The following SLC20A2 variants were observed in gnomAD, a reference collection of about 807,000 sequenced individuals.
SLC20A2 encodes the protein sodium-dependent phosphate transporter 2.
A neutral mutation model predicts 61.0 loss-of-function variants in SLC20A2; 30 were observed. The ratio of observed to expected loss-of-function variants is 0.49; its 90% confidence interval spans 0.37 to 0.67. The LOEUF (loss-of-function observed/expected upper bound fraction) is 0.67, where lower values mean the gene tolerates loss of function less well. Among genes scored for constraint, SLC20A2 ranks in the 30% least tolerant of loss-of-function variants. SLC20A2 has a pLI of 0.00. For missense variants in SLC20A2, 626 were observed against 866.4 expected (o/e 0.72, Z 3.48); for synonymous variants, 351 against 353.3 (o/e 0.99, Z 0.07).
At chr8:42,431,961 T>C (rs751511939) in intron 8 of SLC20A2, among the ~76,000 whole-genome samples, 1 of 152,246 alleles carries the variant, frequency 6.6e-6, no homozygotes, top group Non-Finnish European at 1.5e-5. Context: ...CTGACGGAGA[T>C]ATGCAAGGAG....
chr8:42,483,433 T>C (rs898484458), intron 1 of SLC20A2, among the ~76,000 whole-genome samples: 3 of 152,210 alleles, frequency 2.0e-5, no homozygotes, highest in Admixed American at 6.5e-5. Flanking sequence ...ATGGAATAGG[T>C]TGCAGCCCAC....
intron 1 of SLC20A2, among the ~76,000 whole-genome samples, chr8:42,526,199 T>C (rs1668947536): frequency 6.6e-6 from 1 of 152,178 alleles, no homozygotes; most frequent in Non-Finnish European, 1.5e-5. Context: ...TATATACCTC[T>C]GAAATGATGT....
intron 7 of SLC20A2, among the ~76,000 whole-genome samples, chr8:42,438,869 A>G (rs1304004420): frequency 6.6e-6 from 1 of 152,066 alleles, no homozygotes; most frequent in East Asian, 1.9e-4. Context: ...GGCACCCACC[A>G]CCATACCCAG....
At chr8:42,481,682 G>C (rs1201541022) in intron 1 of SLC20A2, among the ~76,000 whole-genome samples, 2 of 152,194 alleles carry the variant, frequency 1.3e-5, no homozygotes, top group Non-Finnish European at 2.9e-5. Context: ...GGAGCTGTGA[G>C]CCACAGGATT....
chr8:42,432,460 T>C lies in SLC20A2; in HGVS notation c.1524-2211A>G, dbSNP rs373875124. 6.6e-5 allele frequency among the ~76,000 whole-genome samples: 10 copies of C among 152,350 alleles called. No individual in the cohort carries two copies. In the South Asian group the frequency reaches 1.5e-3, roughly 22 times the overall value. ...CCTGGTGAAGATGTTGTGAACATTG[T>C]TGAGATGACAACAAAGGATTTAGAA... On this transcript the variant is annotated intron_variant, in intron 8 of 10. Transcript: ENST00000520262.
intron 6 of SLC20A2, among the ~76,000 whole-genome samples, chr8:42,444,195 T>C (rs1367646395): frequency 2.6e-5 from 4 of 152,210 alleles, no homozygotes; most frequent in Non-Finnish European, 5.9e-5. Flanking sequence ...ATAAAGAAAC[T>C]GCAAACCTAA....
Position 42,494,667 on chromosome 8 carries a change from C to T in SLC20A2, c.-265+6364G>A, listed in dbSNP as rs1040182987. 1.1e-4 allele frequency among the ~76,000 whole-genome samples: 16 copies of T among 152,170 alleles called. 1 individual carries two copies. The highest frequency in any genetic ancestry group is 1.3e-4 in the Admixed American group (2 of 15,284). ...CGTAGTGTTCTATGCTGTGGAAATACAATAAATTATTTAATCAGTAACTTA... is the reference window on the plus strand; with the variant it reads ...CGTAGTGTTCTATGCTGTGGAAATATAATAAATTATTTAATCAGTAACTTA... On this transcript the variant is annotated intron_variant, in intron 1 of 10. Coordinates refer to ENST00000520262, the MANE Select transcript of SLC20A2 (RefSeq NM_001257180.2).
chr8:42,459,866 C>T, intron 5 of SLC20A2, 30 bp downstream of exon 5: 1 of 1,434,190 alleles, frequency 7.0e-7, no homozygotes, highest in African/African-American at 1.4e-5. Context: ...TGCACTTTGC[C>T]CCTGGAGTAT....
chr8:42,518,533 T>C (rs983096694), intron 1 of SLC20A2, among the ~76,000 whole-genome samples: 1 of 152,222 alleles, frequency 6.6e-6, no homozygotes, highest in Non-Finnish European at 1.5e-5. Flanking sequence ...TATACATGCT[T>C]TGGAGTACAG....
rs753102688 is a variant in SLC20A2 at position 42,417,867 on chromosome 8, A to G, written c.1895T>C (p.Val632Ala). Residue 632 changes from valine (V) to alanine (A), a missense_variant, in exon 11 of 11, where the codon GTG becomes GCG. Coordinates refer to ENST00000520262, the MANE Select transcript of SLC20A2 (RefSeq NM_001257180.2). ...GACAGCAGCGCTGAACAGCCCAGCC[A>G]CAGGGACGGTCACGAACCAGGCCAC... ...IFVAWFVTVP[V>A]AGLFSAAVMA... The G allele has an allele frequency of 6.2e-7, 1 of 1,614,216 alleles. No individual in the cohort carries two copies. Among genetic ancestry groups the G allele is most frequent in the Non-Finnish European group, 8.5e-7 (1 of 1,180,026 alleles).
chr8:42,446,862 A>G (rs997986354), intron 5 of SLC20A2, among the ~76,000 whole-genome samples: 1 of 152,170 alleles, frequency 6.6e-6, no homozygotes, highest in Admixed American at 6.5e-5. Flanking sequence ...AAAAAGTAAA[A>G]AACAAAATAT....
intron 5 of SLC20A2, among the ~76,000 whole-genome samples, chr8:42,445,036 A>T (rs1481446770): frequency 1.3e-5 from 2 of 152,270 alleles, no homozygotes; most frequent in Non-Finnish European, 2.9e-5. Flanking sequence ...TCACACCTGT[A>T]ATCCCAGCAC....
At chr8:42,522,465 T>G (rs1811648550) in intron 1 of SLC20A2, among the ~76,000 whole-genome samples, 2 of 119,976 alleles carry the variant, frequency 1.7e-5, no homozygotes, top group Non-Finnish European at 2.0e-5. Context: ...TGGATCACCT[T>G]AGGTCAGGAG....
intron 1 of SLC20A2, among the ~76,000 whole-genome samples, chr8:42,487,124 C>T (rs1274115790): frequency 6.6e-6 from 1 of 151,474 alleles, no homozygotes; most frequent in Non-Finnish European, 1.5e-5. Context: ...CTTGGCCTCC[C>T]AAAGTGCTGG....
At chr8:42,490,450 A>C (rs1222187991) in intron 1 of SLC20A2, among the ~76,000 whole-genome samples, 1 of 152,174 alleles carries the variant, frequency 6.6e-6, no homozygotes, top group Admixed American at 6.5e-5. Flanking sequence ...TACAAAAATT[A>C]GCCGGACATG....
intron 1 of SLC20A2, among the ~76,000 whole-genome samples, chr8:42,518,489 T>G (rs1280179898): frequency 6.6e-6 from 1 of 152,190 alleles, no homozygotes; most frequent in Non-Finnish European, 1.5e-5. Flanking sequence ...TTGAGCCTAT[T>G]TAAAAAACAA....
chr8:42,477,018 A>T (rs1192209105), intron 1 of SLC20A2, among the ~76,000 whole-genome samples: 1 of 152,190 alleles, frequency 6.6e-6, no homozygotes, highest in African/African-American at 2.4e-5. Flanking sequence ...CCAGCAATCA[A>T]TATGTGGTGA....
intron 1 of SLC20A2, among the ~76,000 whole-genome samples, chr8:42,522,917 G>GGGGC (rs1241944742): frequency 7.0e-6 from 1 of 142,650 alleles, no homozygotes; most frequent in African/African-American, 2.7e-5. Flanking sequence ...GGTGGGGGGG[G>GGGGC]TCTCTCTGTG....
chr8:42,476,453 G>GCAGTGGC (rs1808113832), intron 1 of SLC20A2, among the ~76,000 whole-genome samples: 1 of 152,220 alleles, frequency 6.6e-6, no homozygotes, highest in African/African-American at 2.4e-5. Context: ...CTTGAATATG[G>GCAGTGGC]CAGTGGCTGT....
Sources: gnomAD v4.1 joint callset for allele counts (sites outside exome capture counted in the v4.1 genomes callset) on GRCh38, gnomAD v4.1.1 for gene constraint, MANE v1.5 for transcripts, NCBI Gene and HGNC (gene_info 2026-07-23, HGNC 2026-07-21) for gene names.